The following PTPN3 variants were observed in gnomAD, a reference collection of about 807,000 sequenced individuals.
PTPN3 encodes tyrosine-protein phosphatase non-receptor type 3.
PTPN3 carries 96 observed loss-of-function variants against 132.7 expected under a neutral mutation model. The ratio of observed to expected loss-of-function variants is 0.72; its 90% confidence interval spans 0.61 to 0.86. The LOEUF (loss-of-function observed/expected upper bound fraction) is 0.86, where lower values mean the gene tolerates loss of function less well. Ranked by LOEUF, PTPN3 falls within the 40% of genes least tolerant of loss-of-function variation. PTPN3 has a pLI of 0.00. For synonymous variants in PTPN3, 398 were observed against 429.0 expected (o/e 0.93, Z 0.89); for missense variants, 1,125 against 1,159.6 (o/e 0.97, Z 0.43).
chr9:109,444,075 T>G (rs1044002799), intron 7 of PTPN3, among the ~76,000 whole-genome samples: 1 of 152,204 alleles, frequency 6.6e-6, no homozygotes, highest in East Asian at 1.9e-4. Flanking sequence ...GAGCAGGGTG[T>G]GTAGTTCAGC....
chr9:109,463,272 T>TA (rs200343380), intron 2 of PTPN3, 25 bp downstream of exon 2: 43,370 of 967,812 alleles, frequency 0.045, no homozygotes, highest in South Asian at 0.065. Flanking sequence ...TCAGGAAAAG[T>TA]AAAAAAAAAA....
rs1838529795 is a variant in PTPN3, at chr9:109,376,033, C to T, written c.*3523G>A. The T allele has an allele frequency of 6.6e-6, 1 of 152,176 alleles. No homozygotes were observed. Among genetic ancestry groups the T allele is most frequent in the South Asian group, 2.1e-4 (1 of 4,818 alleles). The allele number at this position is 152,176 out of a possible 1,614,324, so 9.4% of individuals were successfully genotyped here. The stretch of plus-strand genomic sequence containing the variant: ...ATCCTTGTCTTTGCATTCAACAGCG[C>T]CAAAGTCTGAGGGACAAACTCTTGG... On this transcript the variant is annotated 3_prime_UTR_variant, in exon 26 of 26. Coordinates refer to ENST00000374541, the MANE Select transcript of PTPN3 (RefSeq NM_002829.4).
Position 109,406,504 on chromosome 9 carries a change from C to T in PTPN3, c.1750G>A (p.Glu584Lys), listed in dbSNP as rs994658902. The change falls in exon 18 of 26, where the codon GAG becomes AAG. Residue 584 changes from glutamate to lysine, a missense_variant. Physicochemically the swap from Glu to Lys is moderately conservative, Grantham distance 56. Transcript: ENST00000374541. The part of the protein sequence containing the change: ...QVVMFIKASR[E>K]SHSRELALVI... Reference sequence around the variant, plus strand: ...AGGGCCAGCTCCCGTGAGTGGGACTCCCGGCTGGCTTTGATGAACATCACC... The same window carrying T: ...AGGGCCAGCTCCCGTGAGTGGGACTTCCGGCTGGCTTTGATGAACATCACC... 6.2e-7 allele frequency: 1 copy of T among 1,614,164 alleles called. No homozygotes were observed. The highest frequency in any genetic ancestry group is 1.3e-5 in the African/African-American group (1 of 75,062).
chr9:109,481,983 T>G (rs540686669), intron 1 of PTPN3, among the ~76,000 whole-genome samples: 1 of 152,358 alleles, frequency 6.6e-6, no homozygotes, highest in East Asian at 1.9e-4. Context: ...AGGTCCAAGA[T>G]GCTGGCAGCT....
intron 19 of PTPN3, among the ~76,000 whole-genome samples, chr9:109,402,692 TA>T (rs1396196814): frequency 6.6e-6 from 1 of 151,752 alleles, no homozygotes; most frequent in African/African-American, 2.4e-5. Context: ...TCTATTCAAG[TA>T]ATTATAGTTA....
intron 10 of PTPN3, among the ~76,000 whole-genome samples, chr9:109,430,719 T>C (rs1287650831): frequency 6.6e-6 from 1 of 152,192 alleles, no homozygotes; most frequent in Non-Finnish European, 1.5e-5. Flanking sequence ...GAGCACTGCA[T>C]GCAGGAATGC....
chr9:109,460,940 A>G (rs1845816749), intron 2 of PTPN3, among the ~76,000 whole-genome samples: 1 of 152,230 alleles, frequency 6.6e-6, no homozygotes, highest in Non-Finnish European at 1.5e-5. Context: ...TGAGTTATAT[A>G]CTAACAAACA....
chr9:109,421,311 G>A (rs1185289022), intron 13 of PTPN3, among the ~76,000 whole-genome samples: 3 of 152,118 alleles, frequency 2.0e-5, no homozygotes, highest in East Asian at 1.9e-4. Flanking sequence ...CTCCTGCAGC[G>A]GGGGATCCCA....
At chr9:109,454,686 A>G (rs1212634754) in intron 4 of PTPN3, 112 bp from the exon 5 acceptor site, 2 of 776,826 alleles carry the variant, frequency 2.6e-6, no homozygotes, top group East Asian at 5.0e-5. Context: ...AGCTTTTTCC[A>G]TTATAAAAGG....
At chr9:109,469,538 G>A (rs1419960202) in intron 1 of PTPN3, among the ~76,000 whole-genome samples, 2 of 152,234 alleles carry the variant, frequency 1.3e-5, no homozygotes, top group African/African-American at 2.4e-5. Context: ...AAAATCGCTC[G>A]AACCCGGGAA....
chr9:109,453,070 C>T (rs372960483), intron 5 of PTPN3, among the ~76,000 whole-genome samples: 4 of 152,150 alleles, frequency 2.6e-5, no homozygotes, highest in East Asian at 1.9e-4. Context: ...GTGTGGTCAC[C>T]GGATGTGTCA....
chr9:109,518,034 A>G, the PTPN3 span, among the ~76,000 whole-genome samples: 1 of 152,162 alleles, frequency 6.6e-6, no homozygotes, highest in Non-Finnish European at 1.5e-5. Context: ...TTTCCCCTGC[A>G]GGCCTAGGGG....
At chr9:109,443,600 T>G (rs560752740) in intron 7 of PTPN3, among the ~76,000 whole-genome samples, 2 of 152,298 alleles carry the variant, frequency 1.3e-5, no homozygotes, top group Admixed American at 6.5e-5. Context: ...AACACCAAAC[T>G]TGCTCTGAGA....
At chr9:109,446,922 CCGGCTACCATGGA>C (rs146084146) in intron 6 of PTPN3, among the ~76,000 whole-genome samples, 7,245 of 152,200 alleles carry the variant, frequency 0.048, 345 homozygotes, top group East Asian at 0.28. Flanking sequence ...ACCTTGAGTG[CCGGCTACCATGGA>C]CGGCTCAAAC....
chr9:109,436,020 C>T (rs1215031005), intron 9 of PTPN3, among the ~76,000 whole-genome samples: 2 of 152,206 alleles, frequency 1.3e-5, no homozygotes, highest in Admixed American at 1.3e-4. Flanking sequence ...TCGGTTTTCT[C>T]ATCTATAAAA....
At chr9:109,441,773 G>T (rs537965189) in intron 7 of PTPN3, among the ~76,000 whole-genome samples, 1 of 151,666 alleles carries the variant, frequency 6.6e-6, no homozygotes, top group Non-Finnish European at 1.5e-5. Flanking sequence ...AGATGGGGTT[G>T]CTCTGTTGCT....
At chr9:109,514,897 T>C in the PTPN3 span, among the ~76,000 whole-genome samples, 2 of 152,186 alleles carry the variant, frequency 1.3e-5, no homozygotes, top group African/African-American at 2.4e-5. Context: ...CAGTAAACCA[T>C]TGGTCCCAGA....
chr9:109,452,700 A>C (rs912054199), intron 5 of PTPN3, among the ~76,000 whole-genome samples: 2 of 152,050 alleles, frequency 1.3e-5, no homozygotes, highest in Admixed American at 6.6e-5. Context: ...AGATGCTGAC[A>C]CATGCACCAC....
intron 2 of PTPN3, among the ~76,000 whole-genome samples, chr9:109,458,061 C>T (rs139914472): frequency 9.8e-4 from 150 of 152,324 alleles, no homozygotes; most frequent in South Asian, 4.1e-3. Context: ...GGGGCAGGCA[C>T]GGTGTGGGAA....
Sources: gnomAD v4.1 joint callset for allele counts (sites outside exome capture counted in the v4.1 genomes callset) on GRCh38, gnomAD v4.1.1 for gene constraint, MANE v1.5 for transcripts, NCBI Gene and HGNC (gene_info 2026-07-23, HGNC 2026-07-21) for gene names.